The following DRD4 variants were observed in gnomAD, a reference collection of about 807,000 sequenced individuals.
The protein encoded by DRD4 is D(4) dopamine receptor.
In DRD4, 26 loss-of-function variants were observed where a neutral mutation model predicts 22.1. That is an observed-to-expected ratio of 1.17 (90% CI 0.86 to 1.63). The LOEUF is 1.63. DRD4 is among the 40% of genes most tolerant of loss of function. The probability of loss-of-function intolerance (pLI) is 0.00; values close to 1 mark genes in which losing one functional copy is unlikely to be tolerated. For missense variants in DRD4, 913 were observed against 632.4 expected (o/e 1.44, Z -4.76); for synonymous variants, 455 against 306.7 (o/e 1.48, Z -5.05).
intron 1 of DRD4, 105 bp from the exon 2 acceptor site, chr11:639,328 C>T (rs1343111619): frequency 1.8e-5 from 20 of 1,083,158 alleles, no homozygotes; most frequent in African/African-American, 1.3e-4. Context: ...CACAGCCGGG[C>T]CCCCTTCTCC....
rs1858080173 is a variant in DRD4, at chr11:637,333, A to G, written c.29A>G (p.Asp10Gly). Residue 10 changes from aspartate (D) to glycine (G), a missense_variant, in exon 1 of 4, where the codon GAC becomes GGC. Physicochemically the swap from Asp to Gly is moderately conservative, Grantham distance 94. Coordinates refer to ENST00000176183, the MANE Select transcript of DRD4 (RefSeq NM_000797.4). Reference sequence around the variant, plus strand: ...GGGAACCGCAGCACCGCGGACGCGGACGGGCTGCTGGCTGGGCGCGGGCCG... The same window carrying G: ...GGGAACCGCAGCACCGCGGACGCGGGCGGGCTGCTGGCTGGGCGCGGGCCG... MGNRSTADA[D>G]GLLAGRGPAA... is the part of the protein sequence containing the mutation. 1.6e-6 allele frequency: 2 copies of G among 1,259,498 alleles called. No individual in the cohort carries two copies. The highest frequency in any genetic ancestry group is 2.0e-6 in the Non-Finnish European group (2 of 1,007,576). The allele number at this position is 1,259,498 out of a possible 1,614,324, so 78.0% of individuals were successfully genotyped here.
rs1349174355 is a variant in DRD4, at chr11:637,269, G to C, written c.-36G>C. On this transcript the variant is annotated 5_prime_UTR_variant, in exon 1 of 4. Transcript: ENST00000176183. ...GGGACTCCCCGGCTTGCGACCCGGC[G>C]TTGTCCGCGGTGCTCAGCGCCCGCC... The C allele has an allele frequency of 1.4e-5, 16 of 1,170,554 alleles. No homozygotes were observed. The East Asian group carries it at 5.0e-4, about 37-fold the overall frequency. The allele number at this position is 1,170,554 out of a possible 1,614,324, so 72.5% of individuals were successfully genotyped here. A position where few individuals can be genotyped will look rare whatever the true frequency, so the allele number is the denominator to read the frequency against.
chr11:639,401 G>C, intron 1 of DRD4, 32 bp from the exon 2 acceptor site: 1 of 1,561,762 alleles, frequency 6.4e-7, no homozygotes, highest in Non-Finnish European at 8.6e-7. Context: ...CGGTGGCTGG[G>C]AAACCTCAGG....
chr11:639,150 G>GAGAC, intron 1 of DRD4: 2 of 471,588 alleles, frequency 4.2e-6, no homozygotes, highest in Non-Finnish European at 7.8e-6. Flanking sequence ...AGCTACTCTG[G>GAGAC]AGACTGAGGT....
chr11:639,456 G>A lies in DRD4; in HGVS notation c.309G>A (p.Leu103=), dbSNP rs770032082. 2.3e-5 allele frequency: 37 copies of A among 1,597,722 alleles called. No homozygotes were observed. Among genetic ancestry groups the A allele is most frequent in the Admixed American group, 5.0e-5 (3 of 59,682 alleles). ...AGGTCCAGGGTGGCGCGTGGCTGCT[G>A]AGCCCCCGCCTGTGCGACGCCCTCA... ...YSEVQGGAWL[L]SPRLCDALMA... is the part of the protein sequence containing the mutation. Residue 103 remains leucine (L), a synonymous_variant, in exon 2 of 4, where the codon CTG becomes CTA. Transcript: ENST00000176183.
rs540632972 is a variant in DRD4, at chr11:637,492, G to C, written c.188G>C (p.Arg63Pro). ...SLVCVSVATE[R>P]ALQTPTNSFI... ...GTGTGCGTGAGCGTGGCCACCGAGCGCGCCCTGCAGACGCCCACCAACTCC... is the reference window on the plus strand; with the variant it reads ...GTGTGCGTGAGCGTGGCCACCGAGCCCGCCCTGCAGACGCCCACCAACTCC... The change falls in exon 1 of 4, where the codon CGC becomes CCC. Residue 63 changes from arginine to proline, a missense_variant. Transcript: ENST00000176183. The C allele has an allele frequency of 6.5e-7, 1 of 1,549,370 alleles. No homozygotes were observed. Among genetic ancestry groups the C allele is most frequent in the South Asian group, 1.2e-5 (1 of 84,670 alleles).
In DRD4 at chr11:637,455, G is replaced by A; in HGVS notation, c.151G>A (p.Gly51Arg). 1 of 1,534,906 alleles carries A rather than the reference G, an allele frequency of 6.5e-7. No individual in the cohort carries two copies. The highest frequency in any genetic ancestry group is 8.7e-7 in the Non-Finnish European group (1 of 1,146,326). ...GVLLIGAVLAGNSLVCVSVAT... is the reference protein window; with the variant it reads ...GVLLIGAVLARNSLVCVSVAT... ...GCTGCTCATCGGCGCGGTGCTCGCGGGGAACTCGCTCGTGTGCGTGAGCGT... is the reference window on the plus strand; with the variant it reads ...GCTGCTCATCGGCGCGGTGCTCGCGAGGAACTCGCTCGTGTGCGTGAGCGT... Residue 51 changes from glycine (G) to arginine (R), a missense_variant, in exon 1 of 4, where the codon GGG becomes AGG. Gly to Arg is a moderately radical substitution (Grantham distance 125). Coordinates refer to ENST00000176183, the MANE Select transcript of DRD4 (RefSeq NM_000797.4).
chr11:640,104 C>G lies in DRD4; in HGVS notation c.855C>G (p.Leu285=), dbSNP rs745991309. Residue 285 remains leucine, a synonymous_variant, in exon 3 of 4, where the codon CTC becomes CTG. Transcript: ENST00000176183. ...ACTGTGCGCCCGCCGCGCCCAGCCT[C>G]CCCCAGGACCCCTGCGGCCCCGACT... ...GPDCAPAAPS[L]PQDPCGPDCA... The G allele has an allele frequency of 8.0e-7, 1 of 1,255,342 alleles. No individual in the cohort carries two copies. The highest frequency in any genetic ancestry group is 1.8e-5 in the South Asian group (1 of 55,580). The allele number at this position is 1,255,342 out of a possible 1,614,324, so 77.8% of individuals were successfully genotyped here.
chr11:640,117 T>G lies in DRD4; in HGVS notation c.868T>G (p.Cys290Gly), dbSNP rs1589958922. The G allele has an allele frequency of 4.4e-6, 6 of 1,362,740 alleles. No homozygotes were observed. The highest frequency in any genetic ancestry group is 1.6e-5 in the African/African-American group (1 of 60,982). The allele number at this position is 1,362,740 out of a possible 1,614,324, so 84.4% of individuals were successfully genotyped here. The part of the protein sequence containing the change: ...PAAPSLPQDP[C>G]GPDCAPPAPG... ...CGCGCCCAGCCTCCCCCAGGACCCC[T>G]GCGGCCCCGACTGTGCGCCCCCCGC... Residue 290 changes from cysteine to glycine, a missense_variant, in exon 3 of 4, where the codon TGC (cysteine) becomes GGC (glycine). Coordinates refer to ENST00000176183, the MANE Select transcript of DRD4 (RefSeq NM_000797.4).
chr11:639,912 C>G lies in DRD4; in HGVS notation c.663C>G (p.Arg221=), dbSNP rs141203143. 777 of 1,529,170 alleles carry G rather than the reference C, an allele frequency of 5.1e-4. 1 individual carries two copies. Among genetic ancestry groups the G allele is most frequent in the Non-Finnish European group, 6.4e-4 (728 of 1,143,490 alleles). The allele number at this position is 1,529,170 out of a possible 1,614,324, so 94.7% of individuals were successfully genotyped here. The change falls in exon 3 of 4, where the codon CGC becomes CGG. Residue 221 remains arginine (R), a synonymous_variant. Transcript: ENST00000176183. The part of the protein sequence containing the change: ...LYWATFRGLQ[R]WEVARRAKLH... ...GGGCCACGTTCCGCGGCCTGCAGCG[C>G]TGGGAGGTGGCACGTCGCGCCAAGC...
rs370350460 is a variant in DRD4 at position 640,489 on chromosome 11, C to T, written c.1146C>T (p.Val382=). Residue 382 remains valine, a synonymous_variant, in exon 4 of 4, where the codon GTC becomes GTT. Coordinates refer to ENST00000176183, the MANE Select transcript of DRD4 (RefSeq NM_000797.4). ...CPACSVPPRL[V]SAVTWLGYVN... ...CCTGCTCCGTGCCCCCGCGGCTGGTCAGCGCCGTCACCTGGCTGGGCTACG... is the reference window on the plus strand; with the variant it reads ...CCTGCTCCGTGCCCCCGCGGCTGGTTAGCGCCGTCACCTGGCTGGGCTACG... The T allele has an allele frequency of 3.7e-6, 6 of 1,602,192 alleles. No homozygotes were observed. Among genetic ancestry groups the T allele is most frequent in the Non-Finnish European group, 4.2e-6 (5 of 1,179,804 alleles).
intron 1 of DRD4, chr11:639,150 G>T: frequency 2.1e-6 from 1 of 471,588 alleles, no homozygotes; most frequent in Non-Finnish European, 3.9e-6. Context: ...AGCTACTCTG[G>T]AGACTGAGGT....
Position 640,557 on chromosome 11 carries a change from C to T in DRD4, c.1214C>T (p.Ala405Val), listed in dbSNP as rs754278373. ...LNPVIYTVFN[A>V]EFRNVFRKAL... is the part of the protein sequence containing the mutation. The stretch of plus-strand genomic sequence containing the variant: ...CCCGTCATCTACACTGTCTTCAACG[C>T]CGAGTTCCGCAACGTCTTCCGCAAG... Residue 405 changes from alanine to valine, a missense_variant, in exon 4 of 4, where the codon GCC (alanine) becomes GTC (valine). Physicochemically the swap from Ala to Val is moderately conservative, Grantham distance 64. Transcript: ENST00000176183. The T allele has an allele frequency of 6.2e-6, 10 of 1,600,052 alleles. No individual in the cohort carries two copies. Among genetic ancestry groups the T allele is most frequent in the Non-Finnish European group, 7.6e-6 (9 of 1,179,788 alleles).
At chr11:639,410 G>A (rs1858146961) in intron 1 of DRD4, 23 bp from the exon 2 acceptor site, 4 of 1,571,332 alleles carry the variant, frequency 2.5e-6, no homozygotes, top group Non-Finnish European at 3.4e-6. Context: ...GGAAACCTCA[G>A]GGCCTGTGGT....
rs1484645795 is a variant in DRD4 at position 640,271 on chromosome 11, A to G, written c.1022A>G (p.Glu341Gly). The G allele has an allele frequency of 6.5e-7, 1 of 1,533,530 alleles. No individual in the cohort carries two copies. The highest frequency in any genetic ancestry group is 8.7e-7 in the Non-Finnish European group (1 of 1,146,808). 95.0% of individuals were successfully genotyped at this position (1,533,530 alleles called of 1,614,324 possible). A position where few individuals can be genotyped will look rare whatever the true frequency, so the allele number is the denominator to read the frequency against. ...RRRRAKITGR[E>G]RKAMRVLPVV... The stretch of plus-strand genomic sequence containing the variant: ...CGGCGTGCCAAGATCACCGGCCGGG[A>G]GCGCAAGGCCATGAGGGTCCTGCCG... The change falls in exon 3 of 4, where the codon GAG becomes GGG. Residue 341 changes from glutamate (E) to glycine (G), a missense_variant. Coordinates refer to ENST00000176183, the MANE Select transcript of DRD4 (RefSeq NM_000797.4).
Position 639,755 on chromosome 11 carries a change from C to G in DRD4, c.506C>G (p.Pro169Arg). The stretch of plus-strand genomic sequence containing the variant: ...CTGCTGTCCGCGGCGGTGGCGGCGC[C>G]CGTACTGTGCGGCCTCAACGACGTG... ...TWLLSAAVAA[P>R]VLCGLNDVRG... The change falls in exon 3 of 4, where the codon CCC becomes CGC. Residue 169 changes from proline to arginine, a missense_variant. Coordinates refer to ENST00000176183, the MANE Select transcript of DRD4 (RefSeq NM_000797.4). The G allele has an allele frequency of 6.4e-7, 1 of 1,560,492 alleles. No individual in the cohort carries two copies. The highest frequency in any genetic ancestry group is 8.6e-7 in the Non-Finnish European group (1 of 1,163,096).
intron 1 of DRD4, 184 bp from the exon 2 acceptor site, chr11:639,249 T>C: frequency 1.6e-6 from 1 of 621,682 alleles, no homozygotes; most frequent in Non-Finnish European, 2.9e-6. Context: ...AGCGAGACCC[T>C]AACTCAAAAC....
chr11:639,325 G>C (rs1302395441), intron 1 of DRD4, 108 bp from the exon 2 acceptor site: 1 of 1,049,398 alleles, frequency 9.5e-7, no homozygotes, highest in Non-Finnish European at 1.4e-6. Flanking sequence ...GCTCACAGCC[G>C]GGCCCCCTTC....
In DRD4 at chr11:637,494, G is replaced by T. The variant is rs1858088640; in HGVS notation, c.190G>T (p.Ala64Ser). The T allele has an allele frequency of 2.6e-6, 4 of 1,551,302 alleles. No homozygotes were observed. Among genetic ancestry groups the T allele is most frequent in the Non-Finnish European group, 3.5e-6 (4 of 1,154,294 alleles). Residue 64 changes from alanine to serine, a missense_variant, in exon 1 of 4, where the codon GCC (alanine) becomes TCC (serine). By Grantham distance (99) the Ala-to-Ser change is moderately conservative (BLOSUM62 1). Transcript: ENST00000176183. Reference sequence around the variant, plus strand: ...GTGCGTGAGCGTGGCCACCGAGCGCGCCCTGCAGACGCCCACCAACTCCTT... The same window carrying T: ...GTGCGTGAGCGTGGCCACCGAGCGCTCCCTGCAGACGCCCACCAACTCCTT... ...LVCVSVATER[A>S]LQTPTNSFIV...
Sources: allele counts gnomAD v4.1 joint callset, GRCh38; gene constraint gnomAD v4.1.1; transcripts MANE v1.5; gene names NCBI Gene and HGNC (gene_info 2026-07-23, HGNC 2026-07-21).